The following ALOX5 variants were observed in gnomAD, a reference collection of about 807,000 sequenced individuals.
The protein encoded by ALOX5 is arachidonate 5-lipoxygenase.
In ALOX5, 64 loss-of-function variants were observed where a neutral mutation model predicts 87.9. That is an observed-to-expected ratio of 0.73 (90% CI 0.60 to 0.90). The LOEUF is 0.90. Ranked by LOEUF, ALOX5 falls within the 40% of genes least tolerant of loss-of-function variation. The pLI is 0.00. For missense variants in ALOX5, 822 were observed against 907.5 expected, an observed-to-expected ratio of 0.91 and a Z score of 1.21; for synonymous variants, 388 against 355.1, an observed-to-expected ratio of 1.09 and a Z score of -1.04.
In ALOX5 at chr10:45,441,280, G is replaced by A. The variant is rs1198952821; in HGVS notation, c.1186-64G>A. ...GCAGGCCTGGGTGGGGGAGCTGCGG[G>A]TCCCTGAGGCACCAGGTCACCTGAC... On this transcript the variant is annotated intron_variant, in intron 8 of 13. Transcript: ENST00000374391. 11 of 1,459,338 alleles carry A rather than the reference G, an allele frequency of 7.5e-6. No individual in the cohort carries two copies. The Admixed American group carries it at 1.7e-4, about 22-fold the overall frequency. 90.4% of individuals were successfully genotyped at this position (1,459,338 alleles called of 1,614,324 possible). A position where few individuals can be genotyped will look rare whatever the true frequency, so the allele number is the denominator to read the frequency against.
intron 3 of ALOX5, among the ~76,000 whole-genome samples, chr10:45,405,522 T>A (rs751615477): frequency 1.1e-4 from 17 of 152,210 alleles, no homozygotes; most frequent in Non-Finnish European, 1.9e-4. Flanking sequence ...TTGTTACATA[T>A]GTATAGCATT....
intron 1 of ALOX5, among the ~76,000 whole-genome samples, chr10:45,376,146 C>T (rs1007674426): frequency 6.6e-6 from 1 of 152,168 alleles, no homozygotes; most frequent in Admixed American, 6.5e-5. Flanking sequence ...GCGGGCTCTT[C>T]GGACAAAGAG....
chr10:45,392,096 C>T (rs1439828303), intron 2 of ALOX5, among the ~76,000 whole-genome samples: 1 of 151,296 alleles, frequency 6.6e-6, no homozygotes. Flanking sequence ...GGGGGTCAGC[C>T]CCCCGCCCGG....
At chr10:45,390,262 G>C (rs935466539) in intron 2 of ALOX5, among the ~76,000 whole-genome samples, 1 of 152,176 alleles carries the variant, frequency 6.6e-6, no homozygotes, top group Non-Finnish European at 1.5e-5. Flanking sequence ...ACACCCCACT[G>C]TCAACATTAG....
In ALOX5 at chr10:45,391,898, A is replaced by G. The variant is rs865978972; in HGVS notation, c.350-3957A>G. 3.2e-3 allele frequency among the ~76,000 whole-genome samples: 441 copies of G among 139,436 alleles called. 2 individuals carry two copies. The highest frequency in any genetic ancestry group is 5.0e-3 in the Non-Finnish European group (323 of 64,834). The allele number at this position is 139,436 out of a possible 152,430, so 91.5% of individuals were successfully genotyped here. A position where few individuals can be genotyped will look rare whatever the true frequency, so the allele number is the denominator to read the frequency against. The stretch of plus-strand genomic sequence containing the variant: ...CTCCGCCCGGCAGCCGCCCCTTCTG[A>G]GAAGTGAGGAGCCCCTCCGCCCGGC... On this transcript the variant is annotated intron_variant, in intron 2 of 13. Transcript: ENST00000374391.
At chr10:45,397,710 G>A (rs527542251) in intron 3 of ALOX5, among the ~76,000 whole-genome samples, 22 of 151,968 alleles carry the variant, frequency 1.4e-4, no homozygotes, top group South Asian at 1.3e-3. Context: ...AACCAACTAT[G>A]TGAAATAAAA....
At chr10:45,418,842 G>A (rs1415308911) in intron 4 of ALOX5, among the ~76,000 whole-genome samples, 11 of 152,246 alleles carry the variant, frequency 7.2e-5, no homozygotes, top group Non-Finnish European at 1.6e-4. Context: ...TGCAGGGGGT[G>A]GCAGGGCTGA....
chr10:45,418,652 G>A (rs945881738), intron 4 of ALOX5, among the ~76,000 whole-genome samples: 2 of 152,184 alleles, frequency 1.3e-5, no homozygotes, highest in Admixed American at 6.5e-5. Flanking sequence ...GGCCCAGGCA[G>A]AGGTACGTGG....
rs565218870 is a variant in ALOX5, at chr10:45,406,214, T to C, written c.432-5977T>C. ...GGGTTTGAGATAATAGGTTAAACCA[T>C]GAAAACACAGAGAATAGTAGTAGGC... On this transcript the variant is annotated intron_variant, in intron 3 of 13. Coordinates refer to ENST00000374391, the MANE Select transcript of ALOX5 (RefSeq NM_000698.5). Among the ~76,000 whole-genome samples the C allele has an allele frequency of 1.3e-4, 20 of 152,306 alleles. 1 individual carries two copies. In the South Asian group the frequency reaches 4.1e-3, roughly 32 times the overall value.
At chr10:45,375,534 T>C (rs1010443551) in intron 1 of ALOX5, among the ~76,000 whole-genome samples, 1 of 152,238 alleles carries the variant, frequency 6.6e-6, no homozygotes, top group African/African-American at 2.4e-5. Flanking sequence ...TAGTTTATTA[T>C]TTGATCAAAC....
intron 6 of ALOX5, among the ~76,000 whole-genome samples, chr10:45,426,323 G>A (rs534628299): frequency 7.2e-5 from 11 of 152,274 alleles, no homozygotes; most frequent in South Asian, 2.1e-4. Flanking sequence ...TGGGAGTCCC[G>A]GCCACCTCCA....
At chr10:45,412,398 G>A (rs780134493) in intron 4 of ALOX5, 85 bp downstream of exon 4, 2 of 1,547,964 alleles carry the variant, frequency 1.3e-6, no homozygotes, top group African/African-American at 1.4e-5. Context: ...TTCCTCATGG[G>A]GTCCTTGGGT....
intron 4 of ALOX5, among the ~76,000 whole-genome samples, chr10:45,416,853 GA>G (rs1255581298): frequency 6.6e-6 from 1 of 152,060 alleles, no homozygotes; most frequent in African/African-American, 2.4e-5. Flanking sequence ...GAGATGGATG[GA>G]TGGATAGATG....
At position 45,445,843 on chromosome 10, in the gene ALOX5, T is replaced by C. The variant is rs566695961; in HGVS notation, c.*156T>C. 453 of 822,988 alleles carry C rather than the reference T, an allele frequency of 5.5e-4. 1 individual carries two copies. The highest frequency in any genetic ancestry group is 7.2e-4 in the Non-Finnish European group (384 of 534,402). 51.0% of individuals were successfully genotyped at this position (822,988 alleles called of 1,614,324 possible). A position where few individuals can be genotyped will look rare whatever the true frequency, so the allele number is the denominator to read the frequency against. ...ATTCTTTGATCTTCAGGGAACTGCA[T>C]AGATTGATCAAAGTGTAAACACCAT... On this transcript the variant is annotated 3_prime_UTR_variant, in exon 14 of 14. Coordinates refer to ENST00000374391, the MANE Select transcript of ALOX5 (RefSeq NM_000698.5).
intron 1 of ALOX5, among the ~76,000 whole-genome samples, chr10:45,379,981 TGGCATGCAGGGCCTGGCGTGGG>T (rs1466742871): frequency 2.6e-5 from 4 of 152,056 alleles, no homozygotes; most frequent in Non-Finnish European, 5.9e-5. Flanking sequence ...TAAATCCCTG[TGGCATGCAGGGCCTGGCGTGGG>T]GCAGGCCCGA....
chr10:45,374,395 A>C lies in ALOX5; in HGVS notation c.116A>C (p.Asp39Ala). The C allele has an allele frequency of 6.4e-7, 1 of 1,565,380 alleles. No homozygotes were observed. The highest frequency in any genetic ancestry group is 1.2e-5 in the South Asian group (1 of 84,776). The change falls in exon 1 of 14, where the codon GAC becomes GCC. Residue 39 changes from aspartate to alanine, a missense_variant. Transcript: ENST00000374391. ...GGCTGCAGCGAGAAGCACCTGCTGG[A>C]CAAGCCCTTCTACAACGACTTCGAG... ...SAGCSEKHLL[D>A]KPFYNDFERG...
intron 8 of ALOX5, 34 bp from the exon 9 acceptor site, chr10:45,441,310 C>A: frequency 1.3e-6 from 2 of 1,597,418 alleles, no homozygotes; most frequent in Non-Finnish European, 8.6e-7. Context: ...CCTGACTGGG[C>A]CCCCTCTGAG....
At chr10:45,423,651 A>G (rs1294766779) in intron 4 of ALOX5, among the ~76,000 whole-genome samples, 3 of 152,248 alleles carry the variant, frequency 2.0e-5, no homozygotes, top group South Asian at 2.1e-4. Context: ...TTTCAAGTCA[A>G]TTGAACTGTT....
chr10:45,429,599 A>G (rs1213823188), intron 7 of ALOX5, among the ~76,000 whole-genome samples: 2 of 152,230 alleles, frequency 1.3e-5, no homozygotes, highest in Non-Finnish European at 2.9e-5. Context: ...CATTGTTTGT[A>G]AACAAACCTT....
Sources: allele counts gnomAD v4.1 joint callset (sites outside exome capture counted in the v4.1 genomes callset), GRCh38; gene constraint gnomAD v4.1.1; transcripts MANE v1.5; gene names NCBI Gene and HGNC (gene_info 2026-07-23, HGNC 2026-07-21).